Variants in LRRC7 observed in about 807,000 individuals in gnomAD.
LRRC7 encodes the protein leucine rich repeat containing 7.
A neutral mutation model predicts 175.7 loss-of-function variants in LRRC7; 23 were observed. The ratio of observed to expected loss-of-function variants is 0.13; its 90% CI spans 0.09 to 0.19. The LOEUF is 0.19. Among genes scored for constraint, LRRC7 ranks in the 10% least tolerant of loss-of-function variants. LRRC7 has a pLI of 1.00. For synonymous variants in LRRC7, 685 were observed against 680.9 expected (o/e 1.01, Z -0.09); for missense variants, 1,354 against 1,904.7 (o/e 0.71, Z 5.38).
Position 69,956,111 on chromosome 1 carries a change from A to G in LRRC7, c.712-24268A>G, listed in dbSNP as rs1316941762. Among the ~76,000 whole-genome samples, 9 of 151,940 alleles carry G rather than the reference A, an allele frequency of 5.9e-5. No individual in the cohort carries two copies. The East Asian group carries it at 1.7e-3, about 29-fold the overall frequency. ...GAAACAATGACATTAAAATATGACCAAAGAAGTAGCTGACTTTACTCCCTC... is the reference window on the plus strand; with the variant it reads ...GAAACAATGACATTAAAATATGACCGAAGAAGTAGCTGACTTTACTCCCTC... On this transcript the variant is annotated intron_variant, in intron 8 of 26. Transcript: ENST00000651989.
intron 2 of LRRC7, chr1:69,716,000 T>G (rs934046594): frequency 8.2e-6 from 3 of 363,884 alleles, no homozygotes; most frequent in Non-Finnish European, 1.0e-5. Context: ...ATTATTCTTA[T>G]AGGATATGTA....
At position 69,788,850 on chromosome 1, in the gene LRRC7, C is replaced by T. The variant is rs139777855; in HGVS notation, c.304-3193C>T. 3.6e-3 allele frequency among the ~76,000 whole-genome samples: 554 copies of T among 152,240 alleles called. 4 individuals are homozygous for T. The highest frequency in any genetic ancestry group is 0.013 in the African/African-American group (522 of 41,546). On this transcript the variant is annotated intron_variant, in intron 3 of 26. Transcript: ENST00000651989. Reference sequence around the variant, plus strand: ...TCAATTAAATTAATTAAAACTTAAACATCTGAATAATAAAGCACATTAATG... The same window carrying T: ...TCAATTAAATTAATTAAAACTTAAATATCTGAATAATAAAGCACATTAATG...
intron 7 of LRRC7, among the ~76,000 whole-genome samples, chr1:69,903,530 C>T (rs1646202441): frequency 6.6e-6 from 1 of 152,132 alleles, no homozygotes; most frequent in African/African-American, 2.4e-5. Context: ...GCCCTTATAG[C>T]ACTAAATGGC....
At chr1:69,569,142 A>G (rs1645627944) in intron 1 of LRRC7, among the ~76,000 whole-genome samples, 1 of 151,754 alleles carries the variant, frequency 6.6e-6, no homozygotes, top group Admixed American at 6.6e-5. Flanking sequence ...TGTTGTATCA[A>G]TGTCTCGATG....
chr1:69,937,025 G>GT (rs1204001225), intron 8 of LRRC7, among the ~76,000 whole-genome samples: 7 of 151,740 alleles, frequency 4.6e-5, no homozygotes, highest in Admixed American at 1.3e-4. Context: ...GTTATTGCAG[G>GT]TTTTTTTTAC....
intron 1 of LRRC7, among the ~76,000 whole-genome samples, chr1:69,627,799 T>A (rs1651840101): frequency 6.6e-6 from 1 of 151,768 alleles, no homozygotes; most frequent in Non-Finnish European, 1.5e-5. Flanking sequence ...GTATATGTTT[T>A]GGTTTCAATT....
At chr1:69,869,487 T>C (rs1477848154) in intron 7 of LRRC7, among the ~76,000 whole-genome samples, 3 of 152,122 alleles carry the variant, frequency 2.0e-5, no homozygotes, top group Non-Finnish European at 4.4e-5. Flanking sequence ...TTACATTACC[T>C]GAAATACAGT....
intron 4 of LRRC7, among the ~76,000 whole-genome samples, chr1:69,802,697 A>T (rs966258095): frequency 4.6e-5 from 7 of 151,350 alleles, no homozygotes; most frequent in Non-Finnish European, 8.9e-5. Context: ...TTTTAAAGGA[A>T]CATTTGATTC....
intron 3 of LRRC7, among the ~76,000 whole-genome samples, chr1:69,783,503 T>C (rs1569831351): frequency 6.6e-6 from 1 of 152,064 alleles, no homozygotes; most frequent in African/African-American, 2.4e-5. Flanking sequence ...ACAACTGTAA[T>C]CCCAGCACTT....
chr1:69,959,552 G>A (rs909027093), intron 8 of LRRC7, among the ~76,000 whole-genome samples: 2 of 151,980 alleles, frequency 1.3e-5, no homozygotes, highest in African/African-American at 4.8e-5. Flanking sequence ...TTACTGAGGT[G>A]GAGAAGAACA....
At chr1:69,987,942 T>C (rs1389897210) in intron 10 of LRRC7, among the ~76,000 whole-genome samples, 4 of 152,316 alleles carry the variant, frequency 2.6e-5, no homozygotes, top group Non-Finnish European at 4.4e-5. Context: ...AGATTCTGAT[T>C]CAGTAAATGT....
chr1:69,949,338 T>C (rs1169124954), intron 8 of LRRC7, among the ~76,000 whole-genome samples: 1 of 152,042 alleles, frequency 6.6e-6, no homozygotes, highest in Non-Finnish European at 1.5e-5. Context: ...TTAGGAGGCC[T>C]AGGCAGGCAG....
intron 15 of LRRC7, among the ~76,000 whole-genome samples, chr1:70,019,654 C>T (rs768621543): frequency 5.9e-5 from 9 of 151,904 alleles, no homozygotes; most frequent in Non-Finnish European, 8.8e-5. Context: ...TAGTCTTTGA[C>T]CTCCAAATGT....
intron 22 of LRRC7, among the ~76,000 whole-genome samples, chr1:70,048,327 T>A (rs1660492238): frequency 6.6e-6 from 1 of 152,072 alleles, no homozygotes; most frequent in Admixed American, 6.6e-5. Flanking sequence ...ACCCTCAAAG[T>A]ACATATTTAT....
chr1:70,015,563 G>T (rs1221442935), intron 13 of LRRC7, among the ~76,000 whole-genome samples: 1 of 152,094 alleles, frequency 6.6e-6, no homozygotes, highest in African/African-American at 2.4e-5. Flanking sequence ...TGCCTTGTTT[G>T]TACTACTCAC....
chr1:69,919,487 G>A, intron 7 of LRRC7: 1 of 947,670 alleles, frequency 1.1e-6, no homozygotes, highest in Non-Finnish European at 1.7e-6. Context: ...AGCAGCAGTG[G>A]CGGCAAAATC....
At chr1:69,695,882 T>C (rs1420582163) in intron 2 of LRRC7, among the ~76,000 whole-genome samples, 1 of 152,236 alleles carries the variant, frequency 6.6e-6, no homozygotes, top group East Asian at 1.9e-4. Flanking sequence ...AGCTTCCACC[T>C]AGATTTCAGA....
At chr1:70,057,004 G>C (rs970765473) in intron 23 of LRRC7, among the ~76,000 whole-genome samples, 9 of 152,066 alleles carry the variant, frequency 5.9e-5, no homozygotes, top group Admixed American at 5.2e-4. Context: ...AAATGTTGGG[G>C]GGGGAATCCA....
At chr1:70,035,653 A>G (rs965239738) in intron 18 of LRRC7, among the ~76,000 whole-genome samples, 3 of 149,174 alleles carry the variant, frequency 2.0e-5, no homozygotes, top group Non-Finnish European at 4.4e-5. Flanking sequence ...AAAAATCTTA[A>G]TTGGTCAGTG....
Sources: allele counts gnomAD v4.1 joint callset (sites outside exome capture counted in the v4.1 genomes callset), GRCh38; gene constraint gnomAD v4.1.1; transcripts MANE v1.5; gene names NCBI Gene and HGNC (gene_info 2026-07-23, HGNC 2026-07-21).